SLC38A8: variants seen among roughly 807,000 people sequenced by gnomAD.
SLC38A8 encodes amino acid transporter SLC38A8.
Under a neutral mutation model 46.0 loss-of-function variants are expected in SLC38A8, and 65 were observed. The ratio of observed to expected loss-of-function variants is 1.41; its 90% CI spans 1.16 to 1.74. The LOEUF is 1.74. Among genes scored for constraint, SLC38A8 ranks in the 40% most tolerant of loss-of-function variants. The probability of loss-of-function intolerance (pLI) is 0.00; values close to 1 mark genes in which losing one functional copy is unlikely to be tolerated. For missense variants in SLC38A8, 998 were observed against 567.9 expected (o/e 1.76, Z -7.70); for synonymous variants, 447 against 243.7 (o/e 1.83, Z -7.77).
At chr16:84,025,913 G>A (rs1468811647) in intron 6 of SLC38A8, among the ~76,000 whole-genome samples, 1 of 152,178 alleles carries the variant, frequency 6.6e-6, no homozygotes, top group Admixed American at 6.5e-5. Flanking sequence ...CAGGGGGGAC[G>A]CAACCCCTCT....
chr16:84,024,470 T>C (rs1468621749), intron 6 of SLC38A8, among the ~76,000 whole-genome samples: 1 of 150,730 alleles, frequency 6.6e-6, no homozygotes, highest in East Asian at 2.1e-4. Context: ...CGAGCCACCA[T>C]GCCCAAGGGG....
rs1342496798 is a variant in SLC38A8 at position 84,025,407 on chromosome 16, C to G, written c.691-2518G>C. Reference sequence around the variant, plus strand: ...CGAGTCCAGCCAACTCCTCTGCACCCTCCTGGGGAGCCCTCCCGAGTGGGC... The same window carrying G: ...CGAGTCCAGCCAACTCCTCTGCACCGTCCTGGGGAGCCCTCCCGAGTGGGC... On this transcript the variant is annotated intron_variant, in intron 6 of 10. Transcript: ENST00000299709. Among the ~76,000 whole-genome samples, 3 of 152,342 alleles carry G rather than the reference C, an allele frequency of 2.0e-5. No homozygotes were observed. The East Asian group carries it at 5.8e-4, about 29-fold the overall frequency.
intron 4 of SLC38A8, 72 bp from the exon 5 acceptor site, chr16:84,032,040 G>C: frequency 2.3e-6 from 3 of 1,319,756 alleles, no homozygotes; most frequent in Non-Finnish European, 2.2e-6. Flanking sequence ...ACAGTAGTGG[G>C]ATCTGAATCC....
chr16:84,010,067 A>AT (rs397855804), intron 10 of SLC38A8, among the ~76,000 whole-genome samples, 190 bp from the exon 11 acceptor site: 38,058 of 111,426 alleles, frequency 0.34, 7,324 homozygotes, highest in Non-Finnish European at 0.38. Flanking sequence ...TACCCAGGCA[A>AT]TTTTTTTTTT....
intron 2 of SLC38A8, among the ~76,000 whole-genome samples, chr16:84,040,380 A>G (rs12925228): frequency 0.27 from 40,971 of 152,100 alleles, 6,153 homozygotes; most frequent in East Asian, 0.47. Flanking sequence ...CCTAAGCAAA[A>G]CAAAACAGCT....
intron 3 of SLC38A8, among the ~76,000 whole-genome samples, chr16:84,035,947 G>A (rs541574824): frequency 6.6e-6 from 1 of 152,162 alleles, no homozygotes; most frequent in African/African-American, 2.4e-5. Context: ...TGACCTAATG[G>A]ACATTGCCAG....
chr16:84,029,661 C>G, intron 5 of SLC38A8, 110 bp from the exon 6 acceptor site: 1 of 1,064,106 alleles, frequency 9.4e-7, no homozygotes, highest in South Asian at 1.4e-5. Flanking sequence ...CAGAGCATGG[C>G]TGCAAGATGT....
chr16:84,027,296 G>T (rs1193459042), intron 6 of SLC38A8, among the ~76,000 whole-genome samples: 1 of 152,296 alleles, frequency 6.6e-6, no homozygotes, highest in Admixed American at 6.5e-5. Context: ...GCTGCAGTGA[G>T]CCAAGATCAC....
At chr16:84,016,765 A>C in intron 8 of SLC38A8, 38 bp from the exon 9 acceptor site, 1,855 of 1,529,094 alleles carry the variant, frequency 1.2e-3, no homozygotes, top group Non-Finnish European at 1.5e-3. Context: ...TGGGCATCTC[A>C]GGGGCACCAG....
At chr16:84,036,968 C>A in intron 2 of SLC38A8, 68 bp from the exon 3 acceptor site, 6 of 1,460,272 alleles carry the variant, frequency 4.1e-6, no homozygotes, top group Non-Finnish European at 5.6e-6. Context: ...GCCAGCCACC[C>A]CTCGGGCACA....
chr16:84,029,255 T>TG (rs1325941524), intron 6 of SLC38A8, among the ~76,000 whole-genome samples: 1 of 152,106 alleles, frequency 6.6e-6, no homozygotes, highest in African/African-American at 2.4e-5. Context: ...TGGCCATCAG[T>TG]GGGGGCTGGA....
rs898886427 is a variant in SLC38A8, at chr16:84,042,626, C to T, written c.-78G>A. On this transcript the variant is annotated 5_prime_UTR_variant, in exon 1 of 11. The change abolishes the stop of an existing upstream ORF in the 5' untranslated region. Transcript: ENST00000299709. ...GGACTCGGGCTTACTCCAGGTGGCT[C>T]AGTTGCATTTCTTGGGGCCAGAGGG... The T allele has an allele frequency of 3.2e-5, 5 of 154,556 alleles. No individual in the cohort carries two copies. The highest frequency in any genetic ancestry group is 1.2e-4 in the African/African-American group (5 of 41,454). The allele number at this position is 154,556 out of a possible 1,614,324, so 9.6% of individuals were successfully genotyped here. A position where few individuals can be genotyped will look rare whatever the true frequency, so the allele number is the denominator to read the frequency against.
chr16:84,031,779 G>T (rs964081147), intron 5 of SLC38A8, 88 bp downstream of exon 5: 79 of 1,137,068 alleles, frequency 6.9e-5, no homozygotes, highest in Non-Finnish European at 5.3e-5. Flanking sequence ...AGTGAGCCAC[G>T]AGAGGCTCCT....
At chr16:84,028,255 G>A (rs2085189852) in intron 6 of SLC38A8, among the ~76,000 whole-genome samples, 1 of 152,064 alleles carries the variant, frequency 6.6e-6, no homozygotes, top group East Asian at 1.9e-4. Context: ...ATAGGTGGTT[G>A]TTTTTAGGAC....
chr16:84,010,195 C>G (rs144182086), intron 10 of SLC38A8, among the ~76,000 whole-genome samples: 313 of 151,828 alleles, frequency 2.1e-3, no homozygotes, highest in African/African-American at 7.3e-3. Flanking sequence ...CTCAGCCTCC[C>G]AAGTAACTGG....
intron 7 of SLC38A8, among the ~76,000 whole-genome samples, chr16:84,018,914 G>A (rs564760295): frequency 1.6e-4 from 24 of 152,044 alleles, no homozygotes; most frequent in Non-Finnish European, 2.8e-4. Context: ...TTCAATAAGT[G>A]GATTTATTCA....
intron 7 of SLC38A8, among the ~76,000 whole-genome samples, chr16:84,018,960 G>A (rs2085064579): frequency 6.6e-6 from 1 of 152,152 alleles, no homozygotes; most frequent in Non-Finnish European, 1.5e-5. Context: ...TTCCAGTGAT[G>A]AGGACTATTT....
At chr16:84,026,741 C>T (rs906916081) in intron 6 of SLC38A8, among the ~76,000 whole-genome samples, 1 of 152,190 alleles carries the variant, frequency 6.6e-6, no homozygotes, top group Non-Finnish European at 1.5e-5. Flanking sequence ...GATAGGGTGG[C>T]TACAACATGG....
chr16:84,017,324 T>G (rs773665255), intron 7 of SLC38A8, 37 bp from the exon 8 acceptor site: 1 of 1,610,496 alleles, frequency 6.2e-7, no homozygotes, highest in Non-Finnish European at 8.5e-7. Flanking sequence ...CAGAGTGGAT[T>G]AGGAAAATGC....
Sources: gnomAD v4.1 joint callset for allele counts (sites outside exome capture counted in the v4.1 genomes callset) on GRCh38, gnomAD v4.1.1 for gene constraint, MANE v1.5 for transcripts, NCBI Gene and HGNC (gene_info 2026-07-23, HGNC 2026-07-21) for gene names.